ITPK1: variants seen among roughly 807,000 people sequenced by gnomAD.
ITPK1 encodes inositol-tetrakisphosphate 1-kinase, also known as inositol 1,3,4-trisphosphate 5/6-kinase.
ITPK1 carries 21 observed loss-of-function variants against 45.3 expected under a neutral mutation model. The ratio of observed to expected loss-of-function variants is 0.46; its 90% CI spans 0.33 to 0.67. The LOEUF is 0.67. ITPK1 is among the 30% of genes least tolerant of loss of function. The pLI is 0.02. For missense variants in ITPK1, 474 were observed against 573.5 expected (o/e 0.83, Z 1.77); for synonymous variants, 258 against 253.6 (o/e 1.02, Z -0.16).
Position 92,958,433 on chromosome 14 carries a change from G to A in ITPK1, c.505-67C>T. The A allele has an allele frequency of 6.6e-7, 1 of 1,510,622 alleles. No individual in the cohort carries two copies. Among genetic ancestry groups the A allele is most frequent in the Non-Finnish European group, 9.1e-7 (1 of 1,094,186 alleles). 93.6% of individuals were successfully genotyped at this position (1,510,622 alleles called of 1,614,324 possible). On this transcript the variant is annotated intron_variant, in intron 7 of 10. Coordinates refer to ENST00000267615, the MANE Select transcript of ITPK1 (RefSeq NM_014216.6). This position sits in a 1 kb window ranked among gnomAD's most constrained non-coding sequence, Gnocchi z 4.4. ...CCTTCTCAGCCTCCAACACACAGGT[G>A]TGTCACCTGTCCAGAGCACCTCCAC...
chr14:92,980,854 C>T (rs747575743), intron 5 of ITPK1, among the ~76,000 whole-genome samples: 11 of 152,176 alleles, frequency 7.2e-5, no homozygotes, highest in Non-Finnish European at 1.5e-4. Flanking sequence ...ACTACAGGCA[C>T]GTGCCACCAT....
chr14:93,026,283 A>ACAC (rs565827747), intron 3 of ITPK1, among the ~76,000 whole-genome samples: 23 of 152,380 alleles, frequency 1.5e-4, no homozygotes, highest in African/African-American at 5.0e-4. Flanking sequence ...AAGATCCTAC[A>ACAC]AACTGATTTT....
intron 3 of ITPK1, among the ~76,000 whole-genome samples, chr14:93,064,937 T>C (rs1890687302): frequency 6.6e-6 from 1 of 152,102 alleles, no homozygotes. Context: ...ACGATGAGTG[T>C]GCGGGGAATC....
At chr14:92,990,006 G>A (rs1714426736) in intron 5 of ITPK1, among the ~76,000 whole-genome samples, 1 of 152,196 alleles carries the variant, frequency 6.6e-6, no homozygotes, top group Non-Finnish European at 1.5e-5. Flanking sequence ...CCATGGGAAA[G>A]TTGGGTCCTC....
intron 3 of ITPK1, among the ~76,000 whole-genome samples, chr14:93,035,319 CAA>C (rs35440478): frequency 6.6e-6 from 1 of 152,178 alleles, no homozygotes; most frequent in Admixed American, 6.5e-5. Flanking sequence ...CAGAATGACC[CAA>C]AAGAGTGCAG....
chr14:93,060,815 G>A (rs531370937), intron 3 of ITPK1, among the ~76,000 whole-genome samples: 28 of 152,328 alleles, frequency 1.8e-4, no homozygotes, highest in African/African-American at 6.7e-4. Context: ...ACAGAAGCAG[G>A]TGACAGATCT....
chr14:92,962,523 AG>A (rs1885130183), intron 6 of ITPK1, 128 bp from the exon 7 acceptor site: 1 of 776,142 alleles, frequency 1.3e-6, no homozygotes, highest in Admixed American at 1.9e-5. Flanking sequence ...ATCTGCACTG[AG>A]GGTGACGTGT....
rs1346891585 is a variant in ITPK1 at position 92,941,417 on chromosome 14, G to A, written c.*144C>T. 122 of 1,420,568 alleles carry A rather than the reference G, an allele frequency of 8.6e-5. No homozygotes were observed. The East Asian group carries it at 3.2e-3, about 37-fold the overall frequency. 88.0% of individuals were successfully genotyped at this position (1,420,568 alleles called of 1,614,324 possible). A position where few individuals can be genotyped will look rare whatever the true frequency, so the allele number is the denominator to read the frequency against. On this transcript the variant is annotated 3_prime_UTR_variant, in exon 11 of 11. Transcript: ENST00000267615. The stretch of plus-strand genomic sequence containing the variant: ...CCCCACTACCCCTCATTTAGATCAT[G>A]ACATCAGAGAATCAGGTTAAAAATT...
At chr14:93,018,201 C>T (rs1888286403) in intron 3 of ITPK1, among the ~76,000 whole-genome samples, 1 of 152,152 alleles carries the variant, frequency 6.6e-6, no homozygotes, top group African/African-American at 2.4e-5. Context: ...ATCCTCACGC[C>T]CCCACCCCCT....
At chr14:93,094,047 C>T (rs985134814) in intron 2 of ITPK1, among the ~76,000 whole-genome samples, 6 of 152,232 alleles carry the variant, frequency 3.9e-5, no homozygotes, top group African/African-American at 1.2e-4. Flanking sequence ...TCGGCTCCAC[C>T]GCTCCCGGGA....
At position 92,938,617 on chromosome 14, in the gene ITPK1, T is replaced by C. The variant is rs1245309046; in HGVS notation, c.*2944A>G. On this transcript the variant is annotated 3_prime_UTR_variant, in exon 11 of 11. Coordinates refer to ENST00000267615, the MANE Select transcript of ITPK1 (RefSeq NM_014216.6). ...GCAGGCCCAGGCACAGGAAGCCCCA[T>C]GGAACCTGCCAGGTTGCAGCTGGGT... The C allele has an allele frequency of 1.6e-5, 17 of 1,088,636 alleles. No homozygotes were observed. The highest frequency in any genetic ancestry group is 1.4e-4 in the South Asian group (11 of 76,212). The allele number at this position is 1,088,636 out of a possible 1,614,324, so 67.4% of individuals were successfully genotyped here.
chr14:93,051,970 T>C (rs1040537022), intron 3 of ITPK1, among the ~76,000 whole-genome samples: 3 of 152,208 alleles, frequency 2.0e-5, no homozygotes, highest in Admixed American at 2.0e-4. Context: ...CACATTCCAC[T>C]CTGAGGGCAC....
At chr14:92,984,385 T>C (rs1886390174) in intron 5 of ITPK1, among the ~76,000 whole-genome samples, 1 of 152,248 alleles carries the variant, frequency 6.6e-6, no homozygotes, top group African/African-American at 2.4e-5. Context: ...TGGAAAAGGC[T>C]AAATTCTGCA....
At chr14:92,972,084 A>AT (rs772019489) in intron 5 of ITPK1, among the ~76,000 whole-genome samples, 1 of 152,134 alleles carries the variant, frequency 6.6e-6, no homozygotes. Flanking sequence ...CACACACAAG[A>AT]TCCTCTGCCC....
intron 5 of ITPK1, among the ~76,000 whole-genome samples, chr14:92,981,747 C>T (rs959819202): frequency 4.6e-5 from 7 of 152,218 alleles, no homozygotes; most frequent in African/African-American, 1.7e-4. Context: ...GGGAAGACAG[C>T]GGCCAGCAGA....
At chr14:93,086,713 G>C (rs892678127) in intron 2 of ITPK1, among the ~76,000 whole-genome samples, 2 of 152,238 alleles carry the variant, frequency 1.3e-5, no homozygotes, top group Non-Finnish European at 2.9e-5. Flanking sequence ...GGCCCTGGAG[G>C]GGAGGGAGAG....
At chr14:93,062,793 T>C (rs984560390) in intron 3 of ITPK1, among the ~76,000 whole-genome samples, 16 of 152,190 alleles carry the variant, frequency 1.1e-4, no homozygotes, top group African/African-American at 3.9e-4. Flanking sequence ...GGCCAGGGCC[T>C]GGCCTACCAT....
intron 3 of ITPK1, chr14:93,066,367 A>C (rs755185275): frequency 2.4e-6 from 1 of 422,146 alleles, no homozygotes. Flanking sequence ...CTGCTGGGAA[A>C]GCAGGGTAGG....
intron 2 of ITPK1, among the ~76,000 whole-genome samples, chr14:93,103,550 G>T (rs1355045944): frequency 1.3e-5 from 2 of 152,168 alleles, no homozygotes; most frequent in African/African-American, 4.8e-5. Flanking sequence ...ACTGACCCTG[G>T]GGCTCCAGGA....
Sources: gnomAD v4.1 joint callset for allele counts (sites outside exome capture counted in the v4.1 genomes callset) on GRCh38, gnomAD v4.1.1 for gene constraint, Gnocchi (gnomAD v3.1) non-coding constraint, MANE v1.5 for transcripts, NCBI Gene and HGNC (gene_info 2026-07-23, HGNC 2026-07-21) for gene names.